The following GNG12 variants were observed in gnomAD, a reference collection of about 807,000 sequenced individuals.
The protein encoded by GNG12 is guanine nucleotide-binding protein G(I)/G(S)/G(O) subunit gamma-12.
For synonymous variants in GNG12, 28 were observed against 29.7 expected (o/e 0.94, Z 0.19); for missense variants, 69 against 83.8 (o/e 0.82, Z 0.69).
intron 1 of GNG12, among the ~76,000 whole-genome samples, chr1:67,781,842 G>GA (rs1646739390): frequency 6.6e-6 from 1 of 152,060 alleles, no homozygotes; most frequent in African/African-American, 2.4e-5. Flanking sequence ...ATTGACGGAA[G>GA]AAAAAAATCA....
chr1:67,824,014 A>G (rs756547839), intron 1 of GNG12, among the ~76,000 whole-genome samples: 2 of 152,180 alleles, frequency 1.3e-5, no homozygotes, highest in African/African-American at 2.4e-5. Context: ...ACATACCACT[A>G]ATTTTAAAAG....
chr1:67,765,722 A>G (rs1646632140), intron 2 of GNG12, among the ~76,000 whole-genome samples: 1 of 152,256 alleles, frequency 6.6e-6, no homozygotes. Flanking sequence ...GGCAGTTGTT[A>G]GTAGCAGGTG....
chr1:67,796,478 A>G (rs1646832020), intron 1 of GNG12, among the ~76,000 whole-genome samples: 1 of 152,126 alleles, frequency 6.6e-6, no homozygotes. Context: ...CTATTTTACT[A>G]CATACTAGGT....
chr1:67,759,021 A>T (rs138007757), intron 2 of GNG12, among the ~76,000 whole-genome samples: 2 of 152,280 alleles, frequency 1.3e-5, no homozygotes, highest in East Asian at 1.9e-4. Context: ...CAAAACAGCT[A>T]AAAAAATGTG....
chr1:67,833,309 C>T (rs1260126611), intron 1 of GNG12, 35 bp downstream of exon 1: 4 of 874,148 alleles, frequency 4.6e-6, no homozygotes, highest in Non-Finnish European at 5.5e-6. Flanking sequence ...CGCGGGGACC[C>T]GACTCACCAC....
chr1:67,806,333 T>C lies in GNG12; in HGVS notation c.-77+27011A>G, dbSNP rs142137812. Among the ~76,000 whole-genome samples the C allele has an allele frequency of 5.9e-5, 9 of 152,294 alleles. No individual in the cohort carries two copies. In the East Asian group the frequency reaches 7.7e-4, roughly 13 times the overall value. ...TATATGTTTATGTGCATACATACAA[T>C]TGATCCTGGAACAACACAGGTTTGA... On this transcript the variant is annotated intron_variant, in intron 1 of 3. Transcript: ENST00000370982.
chr1:67,825,126 TC>T (rs1399025168), intron 1 of GNG12, among the ~76,000 whole-genome samples: 1 of 152,232 alleles, frequency 6.6e-6, no homozygotes, highest in Non-Finnish European at 1.5e-5. Context: ...AACTTGAGAC[TC>T]CTGGAATTTT....
chr1:67,789,568 T>C (rs911958287), intron 1 of GNG12, among the ~76,000 whole-genome samples: 2 of 152,204 alleles, frequency 1.3e-5, no homozygotes, highest in Non-Finnish European at 1.5e-5. Context: ...ATTTTGCCCA[T>C]GAGGCTTAGT....
chr1:67,782,422 G>A (rs551836859), intron 1 of GNG12, among the ~76,000 whole-genome samples: 5 of 152,256 alleles, frequency 3.3e-5, no homozygotes. Context: ...GGTTGAACTG[G>A]CCTATTTTAA....
At chr1:67,803,307 A>G (rs1570562404) in intron 1 of GNG12, among the ~76,000 whole-genome samples, 1 of 152,226 alleles carries the variant, frequency 6.6e-6, no homozygotes, top group Admixed American at 6.5e-5. Context: ...TGAGGCTGGG[A>G]GTTCAAGACC....
rs977246741 is a variant in GNG12, at chr1:67,704,431, CAG to C, written c.*1018_*1019del. The stretch of plus-strand genomic sequence containing the variant: ...TAAGAGAAGAAAGACACAGGGAAGG[CAG>C]AGAGAGCAAGACAGAGGGCTCAATC... On this transcript the variant is annotated 3_prime_UTR_variant, in exon 4 of 4. Transcript: ENST00000370982. 3.3e-5 allele frequency: 5 copies of C among 152,218 alleles called. No individual in the cohort carries two copies. Among genetic ancestry groups the C allele is most frequent in the African/African-American group, 1.2e-4 (5 of 41,490 alleles). The allele number at this position is 152,218 out of a possible 1,614,324, so 9.4% of individuals were successfully genotyped here. A position where few individuals can be genotyped will look rare whatever the true frequency, so the allele number is the denominator to read the frequency against.
At chr1:67,729,125 C>T (rs920634156) in intron 2 of GNG12, among the ~76,000 whole-genome samples, 10 of 152,064 alleles carry the variant, frequency 6.6e-5, no homozygotes, top group African/African-American at 2.4e-4. Context: ...CCCCATGTTC[C>T]GGGCTGACAT....
At position 67,705,685 on chromosome 1, in the gene GNG12, TAA is replaced by T; in HGVS notation, c.94-111_94-110del. The T allele has an allele frequency of 2.9e-6, 4 of 1,401,474 alleles. No individual in the cohort carries two copies. In the East Asian group the frequency reaches 1.1e-4, roughly 37 times the overall value. 86.8% of individuals were successfully genotyped at this position (1,401,474 alleles called of 1,614,324 possible). ...GAATGGAAGACTGATTTGAACAAGA[TAA>T]TCAGAGTCTCAAAGCATCACTCTCA... On this transcript the variant is annotated intron_variant, in intron 3 of 3. Transcript: ENST00000370982.
chr1:67,746,202 T>C (rs953216987), intron 2 of GNG12, among the ~76,000 whole-genome samples: 2 of 152,194 alleles, frequency 1.3e-5, no homozygotes, highest in African/African-American at 4.8e-5. Flanking sequence ...CCACAGACTT[T>C]CTAAAGCTGA....
chr1:67,746,517 G>A (rs764717018), intron 2 of GNG12, among the ~76,000 whole-genome samples: 1 of 152,056 alleles, frequency 6.6e-6, no homozygotes, highest in Non-Finnish European at 1.5e-5. Context: ...GAAGGCATTC[G>A]GAGGGAGCTA....
At chr1:67,796,768 A>G (rs1646833633) in intron 1 of GNG12, among the ~76,000 whole-genome samples, 1 of 152,186 alleles carries the variant, frequency 6.6e-6, no homozygotes, top group South Asian at 2.1e-4. Context: ...GTGTTGCTAT[A>G]AAGTAATACT....
At chr1:67,829,619 T>C (rs947529319) in intron 1 of GNG12, among the ~76,000 whole-genome samples, 1 of 152,230 alleles carries the variant, frequency 6.6e-6, no homozygotes, top group Non-Finnish European at 1.5e-5. Flanking sequence ...GCTATATACA[T>C]AGATTAGCTC....
rs1646228208 is a variant in GNG12, at chr1:67,703,687, G to A, written c.*1764C>T. 6.6e-6 allele frequency: 1 copy of A among 152,208 alleles called. No homozygotes were observed. Among genetic ancestry groups the A allele is most frequent in the African/African-American group, 2.4e-5 (1 of 41,444 alleles). 9.4% of individuals were successfully genotyped at this position (152,208 alleles called of 1,614,324 possible). On this transcript the variant is annotated 3_prime_UTR_variant, in exon 4 of 4. Coordinates refer to ENST00000370982, the MANE Select transcript of GNG12 (RefSeq NM_018841.6). ...CAGATGACACAAGGCTAAGGGCAGT[G>A]CCGTGATTTTCACATGGCCTTAGAA...
In GNG12 at chr1:67,710,090, TTA is replaced by T. The variant is rs529821383; in HGVS notation, c.-26-2380_-26-2379del. Among the ~76,000 whole-genome samples the T allele has an allele frequency of 1.3e-4, 4 of 31,740 alleles. 1 individual carries two copies. The highest frequency in any genetic ancestry group is 1.2e-3 in the Admixed American group (2 of 1,724). The allele number at this position is 31,740 out of a possible 152,430, so 20.8% of individuals were successfully genotyped here. A position where few individuals can be genotyped will look rare whatever the true frequency, so the allele number is the denominator to read the frequency against. On this transcript the variant is annotated intron_variant, in intron 2 of 3. Transcript: ENST00000370982. ...TATATATATAGTTATATATATATAG[TTA>T]TATATATAGTTATATATATAGTTAT...
Sources: gnomAD v4.1 joint callset for allele counts (sites outside exome capture counted in the v4.1 genomes callset) on GRCh38, gnomAD v4.1.1 for gene constraint, MANE v1.5 for transcripts, NCBI Gene and HGNC (gene_info 2026-07-23, HGNC 2026-07-21) for gene names.